The following OTUD4 variants were observed in gnomAD, a reference collection of about 807,000 sequenced individuals.
OTUD4 encodes OTU deubiquitinase 4.
OTUD4 carries 24 observed loss-of-function variants against 130.4 expected under a neutral mutation model. The ratio of observed to expected loss-of-function variants is 0.18; its 90% CI spans 0.13 to 0.26. OTUD4 has a LOEUF of 0.26. OTUD4 is among the 10% of genes least tolerant of loss of function. The pLI is 1.00. For missense variants in OTUD4, 1,031 were observed against 1,329.4 expected (o/e 0.78, Z 3.49); for synonymous variants, 420 against 472.5 (o/e 0.89, Z 1.44).
In OTUD4 at chr4:145,158,894, T is replaced by G. The variant is rs1373775595; in HGVS notation, c.629+609A>C. Among the ~76,000 whole-genome samples the G allele has an allele frequency of 2.6e-5, 4 of 152,350 alleles. No individual in the cohort carries two copies. In the East Asian group the frequency reaches 7.7e-4, roughly 29 times the overall value. On this transcript the variant is annotated intron_variant, in intron 7 of 20. Transcript: ENST00000447906. The stretch of plus-strand genomic sequence containing the variant: ...ATTAAGGCTTCTTAGAGAATTTAAG[T>G]AACCTGCCCCAAGTCAAGTTAGCAG...
At chr4:145,152,214 C>T (rs1040974446) in intron 11 of OTUD4, among the ~76,000 whole-genome samples, 1 of 152,216 alleles carries the variant, frequency 6.6e-6, no homozygotes, top group East Asian at 1.9e-4. Flanking sequence ...CTGATTCAAG[C>T]GATTCTCCTC....
intron 3 of OTUD4, among the ~76,000 whole-genome samples, chr4:145,170,214 A>G (rs1326392628): frequency 4.6e-5 from 7 of 152,210 alleles, no homozygotes; most frequent in Non-Finnish European, 8.8e-5. Context: ...TGATACAGAT[A>G]ACCTACAGAT....
chr4:145,176,224 A>G (rs1202811376), intron 1 of OTUD4, among the ~76,000 whole-genome samples: 1 of 151,816 alleles, frequency 6.6e-6, no homozygotes, highest in Non-Finnish European at 1.5e-5. Flanking sequence ...ACATGCTTAA[A>G]GGAGATTAAA....
At chr4:145,168,193 T>TA (rs1183591183) in intron 3 of OTUD4, among the ~76,000 whole-genome samples, 2 of 152,018 alleles carry the variant, frequency 1.3e-5, no homozygotes, top group Non-Finnish European at 2.9e-5. Flanking sequence ...TAAATGTTCT[T>TA]AGTCATCAGT....
intron 13 of OTUD4, among the ~76,000 whole-genome samples, chr4:145,148,113 C>G (rs1213003831): frequency 1.3e-5 from 2 of 152,190 alleles, no homozygotes; most frequent in African/African-American, 2.4e-5. Flanking sequence ...CACACACCAT[C>G]AAGTATTTTT....
At chr4:145,164,881 C>T (rs1751770843) in intron 4 of OTUD4, among the ~76,000 whole-genome samples, 1 of 152,062 alleles carries the variant, frequency 6.6e-6, no homozygotes, top group Non-Finnish European at 1.5e-5. Context: ...AGTAGAAAAT[C>T]ATTTCTCTAC....
chr4:145,150,766 C>T (rs771808859), intron 12 of OTUD4, 36 bp downstream of exon 12: 1 of 1,607,310 alleles, frequency 6.2e-7, no homozygotes, highest in Admixed American at 1.7e-5. Context: ...ACCATCATCC[C>T]AATCCCAAAG....
At chr4:145,139,570 T>C (rs1406739992) in intron 20 of OTUD4, among the ~76,000 whole-genome samples, 16 of 152,164 alleles carry the variant, frequency 1.1e-4, no homozygotes, top group Admixed American at 9.8e-4. Flanking sequence ...ATTCTATAAA[T>C]GAAAAAAGCT....
At chr4:145,153,207 T>G (rs988962804) in intron 10 of OTUD4, among the ~76,000 whole-genome samples, 1 of 152,192 alleles carries the variant, frequency 6.6e-6, no homozygotes, top group Non-Finnish European at 1.5e-5. Context: ...TTTCTAACAC[T>G]TATTTTCTAA....
intron 1 of OTUD4, among the ~76,000 whole-genome samples, chr4:145,177,044 A>G (rs1752462041): frequency 6.6e-6 from 1 of 152,268 alleles, no homozygotes; most frequent in Non-Finnish European, 1.5e-5. Flanking sequence ...GACTATCTAT[A>G]TATAAAAATA....
chr4:145,174,392 C>T (rs1292443694), intron 2 of OTUD4, among the ~76,000 whole-genome samples: 1 of 152,154 alleles, frequency 6.6e-6, no homozygotes, highest in African/African-American at 2.4e-5. Context: ...AGGGCCTTGT[C>T]CAGGTCATCT....
At chr4:145,139,493 A>AG (rs1324700645) in intron 20 of OTUD4, among the ~76,000 whole-genome samples, 1 of 152,218 alleles carries the variant, frequency 6.6e-6, no homozygotes, top group African/African-American at 2.4e-5. Flanking sequence ...TATCTTACAT[A>AG]GGAGGATGTA....
chr4:145,174,598 T>C, intron 2 of OTUD4, 63 bp downstream of exon 2: 1 of 932,376 alleles, frequency 1.1e-6, no homozygotes, highest in Non-Finnish European at 1.8e-6. Context: ...ACTAGAACAC[T>C]TCTAAAAGCC....
intron 13 of OTUD4, 36 bp from the exon 14 acceptor site, chr4:145,146,465 A>T (rs551949991): frequency 9.9e-7 from 1 of 1,005,550 alleles, no homozygotes; most frequent in Admixed American, 3.5e-5. Context: ...AAAATACATA[A>T]ATAAATAAAT....
Position 145,138,558 on chromosome 4 carries a change from A to T in OTUD4, c.2217T>A (p.Pro739=), listed in dbSNP as rs558586803. 3 of 1,614,144 alleles carry T rather than the reference A, an allele frequency of 1.9e-6. No homozygotes were observed. The South Asian group carries it at 3.3e-5, about 18-fold the overall frequency. The change falls in exon 21 of 21, where the codon CCT becomes CCA. Residue 739 remains proline, a synonymous_variant. Coordinates refer to ENST00000447906, the MANE Select transcript of OTUD4 (RefSeq NM_001366057.1). The part of the protein sequence containing the change: ...LAACRMYPKV[P]VPVYPHNPWF... The stretch of plus-strand genomic sequence containing the variant: ...AGGGATTATGAGGATAAACAGGGAC[A>T]GGGACCTTTGGGTACATCCTGCAGG...
At chr4:145,159,693 AG>A in intron 6 of OTUD4, 58 bp from the exon 7 acceptor site, 3 of 1,519,888 alleles carry the variant, frequency 2.0e-6, no homozygotes, top group Non-Finnish European at 2.7e-6. Context: ...TTTTAAAAAC[AG>A]GAACAGACCA....
chr4:145,172,005 G>A (rs1014296028), intron 2 of OTUD4, among the ~76,000 whole-genome samples: 11 of 152,222 alleles, frequency 7.2e-5, no homozygotes, highest in Middle Eastern at 6.3e-3. Context: ...ATGGCAACAG[G>A]CAGCTGATAC....
At position 145,136,720 on chromosome 4, in the gene OTUD4, ATTC is replaced by A. The variant is rs1750288379; in HGVS notation, c.*707_*709del. ...CAGCCATTTCATTGGATTTCCTACT[ATTC>A]TTCTATGCAATCTCAACAAATACCA... On this transcript the variant is annotated 3_prime_UTR_variant, in exon 21 of 21. Transcript: ENST00000447906. The A allele has an allele frequency of 6.6e-6, 1 of 152,624 alleles. No homozygotes were observed. Among genetic ancestry groups the A allele is most frequent in the Non-Finnish European group, 1.5e-5 (1 of 68,022 alleles). The allele number at this position is 152,624 out of a possible 1,614,324, so 9.5% of individuals were successfully genotyped here. A position where few individuals can be genotyped will look rare whatever the true frequency, so the allele number is the denominator to read the frequency against.
At chr4:145,158,818 A>G (rs1751422224) in intron 7 of OTUD4, among the ~76,000 whole-genome samples, 1 of 152,160 alleles carries the variant, frequency 6.6e-6, no homozygotes, top group Non-Finnish European at 1.5e-5. Context: ...AATCTCATGA[A>G]TTGTCCCTTT....
Sources: allele counts gnomAD v4.1 joint callset (sites outside exome capture counted in the v4.1 genomes callset), GRCh38; gene constraint gnomAD v4.1.1; transcripts MANE v1.5; gene names NCBI Gene and HGNC (gene_info 2026-07-23, HGNC 2026-07-21).